The following AKNA variants were observed in gnomAD, a reference collection of about 807,000 sequenced individuals.
The protein encoded by AKNA is AT-hook transcription factor.
Under a neutral mutation model 138.8 loss-of-function variants are expected in AKNA, and 67 were observed. The observed-to-expected ratio is 0.48, with a 90% CI of 0.40 to 0.59. AKNA has a LOEUF of 0.59. Ranked by LOEUF, AKNA falls within the 20% of genes least tolerant of loss-of-function variation. The probability of loss-of-function intolerance (pLI) is 0.00; values close to 1 mark genes in which losing one functional copy is unlikely to be tolerated. For synonymous variants in AKNA, 737 were observed against 754.4 expected (o/e 0.98, Z 0.38); for missense variants, 1,813 against 1,880.4 (o/e 0.96, Z 0.66).
intron 4 of AKNA, 22 bp from the exon 5 acceptor site, chr9:114,368,617 G>C: frequency 7.4e-7 from 1 of 1,354,128 alleles, no homozygotes; most frequent in Non-Finnish European, 9.6e-7. Flanking sequence ...GGGAGGCACA[G>C]CACAGCCAAG....
At chr9:114,360,564 A>G (rs1831873501) in intron 9 of AKNA, among the ~76,000 whole-genome samples, 5 of 152,126 alleles carry the variant, frequency 3.3e-5, no homozygotes, top group African/African-American at 1.2e-4. Flanking sequence ...GTGTAGTGGC[A>G]CCTGGTAGAG....
chr9:114,356,218 G>T lies in AKNA; in HGVS notation c.2847-82C>A, dbSNP rs1831495759. The T allele has an allele frequency of 5.2e-6, 7 of 1,335,992 alleles. No individual in the cohort carries two copies. The African/African-American group carries it at 5.9e-5, about 11-fold the overall frequency. The allele number at this position is 1,335,992 out of a possible 1,614,324, so 82.8% of individuals were successfully genotyped here. On this transcript the variant is annotated intron_variant, in intron 13 of 21. Coordinates refer to ENST00000374088, the MANE Select transcript of AKNA (RefSeq NM_001317950.2). ...CGGCAGCATCTGAGCCCCTCCACAT[G>T]CTAACCCAATAAGCTCCCACCCTTT...
chr9:114,343,182 C>T (rs1303661381), intron 19 of AKNA, among the ~76,000 whole-genome samples: 1 of 152,208 alleles, frequency 6.6e-6, no homozygotes, highest in Non-Finnish European at 1.5e-5. Flanking sequence ...AATGGCAGCT[C>T]ATTATCATCA....
intron 21 of AKNA, 118 bp from the exon 22 acceptor site, chr9:114,337,424 T>G (rs1205164637): frequency 5.5e-6 from 6 of 1,083,934 alleles, no homozygotes; most frequent in East Asian, 6.1e-5. Context: ...GCTCCTACTC[T>G]CTGGGTCTCA....
intron 8 of AKNA, 40 bp downstream of exon 8, chr9:114,362,366 A>C (rs764925274): frequency 3.8e-6 from 6 of 1,587,842 alleles, no homozygotes; most frequent in Non-Finnish European, 4.3e-6. Context: ...CCAGGGGCCC[A>C]TCCCATCTGT....
upstream of AKNA, among the ~76,000 whole-genome samples, chr9:114,392,226 G>C (rs1036883285): frequency 6.6e-6 from 1 of 152,174 alleles, no homozygotes; most frequent in Non-Finnish European, 1.5e-5. Flanking sequence ...CCAAGTTCCA[G>C]CCTGAGTGAC....
chr9:114,376,332 C>A, intron 3 of AKNA, 134 bp downstream of exon 3: 1 of 913,714 alleles, frequency 1.1e-6, no homozygotes. Flanking sequence ...TAGGGCTTCC[C>A]ACCCCAGCCA....
intron 12 of AKNA, among the ~76,000 whole-genome samples, chr9:114,357,300 T>C (rs1162348732): frequency 2.0e-5 from 3 of 152,240 alleles, no homozygotes; most frequent in Non-Finnish European, 4.4e-5. Flanking sequence ...CAGTGTCTCC[T>C]GGCTTAGGCC....
At chr9:114,370,554 C>T (rs920074223) in intron 4 of AKNA, among the ~76,000 whole-genome samples, 4 of 152,154 alleles carry the variant, frequency 2.6e-5, no homozygotes, top group African/African-American at 7.2e-5. Context: ...GGGGTGGCAG[C>T]TGCAGCTGCT....
chr9:114,373,899 A>AAG (rs1832979478), intron 4 of AKNA, among the ~76,000 whole-genome samples, 194 bp downstream of exon 4: 1 of 150,892 alleles, frequency 6.6e-6, no homozygotes, highest in Non-Finnish European at 1.5e-5. Context: ...AAAAAAAAAA[A>AAG]AAAAAAAAGC....
upstream of AKNA, among the ~76,000 whole-genome samples, chr9:114,392,301 G>T (rs914811289): frequency 1.2e-4 from 19 of 152,172 alleles, no homozygotes; most frequent in Non-Finnish European, 2.2e-4. Context: ...TGTCTCTGAG[G>T]TTATCAGAGA....
intron 1 of AKNA, among the ~76,000 whole-genome samples, chr9:114,381,647 T>C (rs1264520430): frequency 7.4e-6 from 1 of 135,238 alleles, no homozygotes; most frequent in African/African-American, 2.6e-5. Flanking sequence ...TTCCTCTCTC[T>C]CTCCAGGGTT....
At chr9:114,332,480 A>G (rs1283295954), downstream of AKNA, among the ~76,000 whole-genome samples, 1 of 152,138 alleles carries the variant, frequency 6.6e-6, no homozygotes, top group Non-Finnish European at 1.5e-5. Context: ...TACCTGTGAA[A>G]TCACAGCACC....
rs116733414 is a variant in AKNA, at chr9:114,380,546, C to T, written c.274+514G>A. 8.9e-3 allele frequency among the ~76,000 whole-genome samples: 1,349 copies of T among 152,222 alleles called. 22 individuals are homozygous for T. The highest frequency in any genetic ancestry group is 0.031 in the African/African-American group (1,302 of 41,514). The stretch of plus-strand genomic sequence containing the variant: ...GGACAATGAGTAATTTTAAATTTTA[C>T]CTAATTTTGTGCTTATACTTTCCGG... On this transcript the variant is annotated intron_variant, in intron 2 of 21. Transcript: ENST00000374088.
At position 114,361,818 on chromosome 9, in the gene AKNA, C is replaced by T; in HGVS notation, c.2010G>A (p.Gly670=). 1.2e-6 allele frequency: 2 copies of T among 1,613,578 alleles called. No individual in the cohort carries two copies. Among genetic ancestry groups the T allele is most frequent in the Non-Finnish European group, 8.5e-7 (1 of 1,180,014 alleles). Residue 670 remains glycine, a synonymous_variant, in exon 9 of 22, where the codon GGG becomes GGA. Coordinates refer to ENST00000374088, the MANE Select transcript of AKNA (RefSeq NM_001317950.2). ...GGGTGCTGTCCAGAGCTGAGTCTGACCCGGGCGGCTCAGGCTCTTGCTGGG... is the reference window on the plus strand; with the variant it reads ...GGGTGCTGTCCAGAGCTGAGTCTGATCCGGGCGGCTCAGGCTCTTGCTGGG... ...DQTQQEPEPP[G]SDSALDSTPA...
rs1832997305 is a variant in AKNA at position 114,374,113 on chromosome 9, G to T, written c.1396C>A (p.Gln466Lys). Residue 466 changes from glutamine (Q) to lysine (K), a missense_variant, in exon 4 of 22, where the codon CAG (glutamine) becomes AAG (lysine). Gln to Lys is a moderately conservative substitution (Grantham distance 53). Coordinates refer to ENST00000374088, the MANE Select transcript of AKNA (RefSeq NM_001317950.2). Reference protein sequence around the residue: ...KYAEAENTIDQLRLGAKVNLF... With the variant: ...KYAEAENTIDKLRLGAKVNLF... ...GGTACCTTGGCCCCGAGGCGTAGCT[G>T]GTCAATGGTGTTCTCGGCCTCAGCG... 6.4e-7 allele frequency: 1 copy of T among 1,558,654 alleles called. No individual in the cohort carries two copies. The highest frequency in any genetic ancestry group is 2.4e-5 in the East Asian group (1 of 41,494).
Position 114,345,945 on chromosome 9 carries a change from A to G in AKNA, c.3579T>C (p.Ser1193=). 3 of 1,613,884 alleles carry G rather than the reference A, an allele frequency of 1.9e-6. No homozygotes were observed. The highest frequency in any genetic ancestry group is 2.5e-6 in the Non-Finnish European group (3 of 1,179,978). The change falls in exon 18 of 22, where the codon AGT becomes AGC. Residue 1193 remains serine, a synonymous_variant. Coordinates refer to ENST00000374088, the MANE Select transcript of AKNA (RefSeq NM_001317950.2). ...FSEKSKTTKD[S]PQAARDGKRG... is the part of the protein sequence containing the mutation. ...TCTTTCCATCCCGAGCTGCCTGTGG[A>G]CTGTCCTTGGTGGTCTTGCTCTTCT...
upstream of AKNA, among the ~76,000 whole-genome samples, chr9:114,395,222 CTCCT>C (rs1834495699): frequency 6.6e-6 from 1 of 152,102 alleles, no homozygotes; most frequent in East Asian, 1.9e-4. Context: ...ACAGAGGCTT[CTCCT>C]TCCCTCAGGC....
In AKNA at chr9:114,339,794, C is replaced by T. The variant is rs1431608320; in HGVS notation, c.4067+1739G>A. On this transcript the variant is annotated intron_variant, in intron 21 of 21. Transcript: ENST00000374088. ...ACTTGCTTAGACTCAGCTGAGAGGG[C>T]AGCAAGAAAGCAAATTTACATACCG... is the stretch of plus-strand genomic sequence containing the variant. Among the ~76,000 whole-genome samples, 3 of 152,352 alleles carry T rather than the reference C, an allele frequency of 2.0e-5. No individual in the cohort carries two copies. The East Asian group carries it at 5.8e-4, about 29-fold the overall frequency.
Sources: gnomAD v4.1 joint callset for allele counts (sites outside exome capture counted in the v4.1 genomes callset) on GRCh38, gnomAD v4.1.1 for gene constraint, MANE v1.5 for transcripts, NCBI Gene and HGNC (gene_info 2026-07-23, HGNC 2026-07-21) for gene names.